MYO9B: variants seen among roughly 807,000 people sequenced by gnomAD.
The protein encoded by MYO9B is myosin IXB.
MYO9B carries 71 observed loss-of-function variants against 229.5 expected under a neutral mutation model. The observed-to-expected ratio is 0.31, with a 90% CI of 0.26 to 0.38. The LOEUF is 0.38. Among genes scored for constraint, MYO9B ranks in the 10% least tolerant of loss-of-function variants. The pLI, the probability that MYO9B is intolerant of heterozygous loss-of-function variation, is 1.00. For missense variants in MYO9B, 2,255 were observed against 2,920.5 expected, an observed-to-expected ratio of 0.77 and a Z score of 5.25; for synonymous variants, 1,185 against 1,235.8, an observed-to-expected ratio of 0.96 and a Z score of 0.86.
In MYO9B at chr19:17,162,977, G is replaced by T. The variant is rs1242092958; in HGVS notation, c.1537-11G>T. ...CCTGCGGGCAGTGACCATTTTCTCT[G>T]TCTCTCCCAGTGCCTGTCCATTGGG... On this transcript the variant is annotated splice_polypyrimidine_tract_variant and intron_variant, in intron 9 of 39. Coordinates refer to ENST00000682292, the MANE Select transcript of MYO9B (RefSeq NM_004145.4). 4.4e-6 allele frequency: 7 copies of T among 1,607,642 alleles called. No individual in the cohort carries two copies. The highest frequency in any genetic ancestry group is 2.7e-5 in the African/African-American group (2 of 74,818).
rs1289369685 is a variant in MYO9B at position 17,201,906 on chromosome 19, C to T, written c.4564-20C>T. The T allele has an allele frequency of 6.3e-7, 1 of 1,596,106 alleles. No individual in the cohort carries two copies. The highest frequency in any genetic ancestry group is 2.2e-5 in the East Asian group (1 of 44,704). On this transcript the variant is annotated intron_variant, in intron 26 of 39. Transcript: ENST00000682292. ...TCCCCAGGCCTGAGGCACGCAGGGT[C>T]AGTTCCTCTCCCCTTCCAGATAAAT...
intron 13 of MYO9B, among the ~76,000 whole-genome samples, chr19:17,174,205 T>C (rs1158908522): frequency 6.6e-6 from 1 of 151,992 alleles, no homozygotes; most frequent in Non-Finnish European, 1.5e-5. Flanking sequence ...AATTGTTTTG[T>C]ATTTTTTAGT....
chr19:17,176,963 G>T (rs2072797044), intron 14 of MYO9B, among the ~76,000 whole-genome samples: 1 of 152,188 alleles, frequency 6.6e-6, no homozygotes, highest in African/African-American at 2.4e-5. Flanking sequence ...CACTTTGGGA[G>T]ACCAAGGCGG....
intron 1 of MYO9B, among the ~76,000 whole-genome samples, chr19:17,077,649 G>A (rs1346483570): frequency 6.6e-6 from 1 of 152,096 alleles, no homozygotes; most frequent in Non-Finnish European, 1.5e-5. Flanking sequence ...CAAAATGAAT[G>A]AATTGACCTC....
Position 17,202,160 on chromosome 19 carries a change from C to T in MYO9B, c.4693C>T (p.Leu1565=). The change falls in exon 28 of 40, where the codon CTG becomes TTG. Residue 1565 remains leucine, a synonymous_variant. Coordinates refer to ENST00000682292, the MANE Select transcript of MYO9B (RefSeq NM_004145.4). ...NGKIHVGYKD[L]MENYQIVVSN... ...GAAGATCCACGTGGGCTACAAGGATCTGATGGAGAACTACCAGATCGTCGT... is the reference window on the plus strand; with the variant it reads ...GAAGATCCACGTGGGCTACAAGGATTTGATGGAGAACTACCAGATCGTCGT... 6.2e-7 allele frequency: 1 copy of T among 1,613,862 alleles called. No individual in the cohort carries two copies. The highest frequency in any genetic ancestry group is 8.5e-7 in the Non-Finnish European group (1 of 1,179,824).
intron 37 of MYO9B, 98 bp from the exon 38 acceptor site, chr19:17,210,617 C>G: frequency 1.4e-6 from 2 of 1,406,294 alleles, no homozygotes; most frequent in South Asian, 3.0e-5. Flanking sequence ...GCCCAGCACA[C>G]TCACATCACA....
chr19:17,152,285 G>A (rs2145267965), intron 3 of MYO9B, among the ~76,000 whole-genome samples: 1 of 152,244 alleles, frequency 6.6e-6, no homozygotes, highest in East Asian at 1.9e-4. Context: ...CAGGGATGGT[G>A]GCTCATGCCT....
chr19:17,187,882 G>A lies in MYO9B; in HGVS notation c.2578-53G>A. On this transcript the variant is annotated intron_variant, in intron 18 of 39. Transcript: ENST00000682292. ...CAGGCCTGAGCCAGCAACAGACTTGGGCATCCTGTCAGGTCAAGGCCACCT... is the reference window on the plus strand; with the variant it reads ...CAGGCCTGAGCCAGCAACAGACTTGAGCATCCTGTCAGGTCAAGGCCACCT... 3 of 1,465,950 alleles carry A rather than the reference G, an allele frequency of 2.0e-6. No homozygotes were observed. In the Admixed American group the frequency reaches 5.9e-5, roughly 29 times the overall value. The allele number at this position is 1,465,950 out of a possible 1,614,324, so 90.8% of individuals were successfully genotyped here. A position where few individuals can be genotyped will look rare whatever the true frequency, so the allele number is the denominator to read the frequency against.
rs747679895 is a variant in MYO9B, at chr19:17,200,866, C to T, written c.4563+37C>T. 23 of 1,599,616 alleles carry T rather than the reference C, an allele frequency of 1.4e-5. No individual in the cohort carries two copies. The East Asian group carries it at 1.6e-4, about 11-fold the overall frequency. On this transcript the variant is annotated intron_variant, in intron 26 of 39. Coordinates refer to ENST00000682292, the MANE Select transcript of MYO9B (RefSeq NM_004145.4). The stretch of plus-strand genomic sequence containing the variant: ...AGGCGAGGGCCAGGGGCATGAGGCC[C>T]GGTCCCCAGGGGAACCATCACAGCC...
At chr19:17,117,233 G>A (rs1201006986) in intron 2 of MYO9B, among the ~76,000 whole-genome samples, 1 of 152,164 alleles carries the variant, frequency 6.6e-6, no homozygotes, top group African/African-American at 2.4e-5. Context: ...CAGCCACAGG[G>A]CCTGGCTGCC....
chr19:17,081,515 A>G (rs956994258), intron 1 of MYO9B, among the ~76,000 whole-genome samples: 1 of 151,930 alleles, frequency 6.6e-6, no homozygotes, highest in Non-Finnish European at 1.5e-5. Context: ...GGGTGACTAA[A>G]GAGAGGTGAG....
chr19:17,182,308 A>C (rs1010736745), intron 15 of MYO9B, among the ~76,000 whole-genome samples: 2 of 151,870 alleles, frequency 1.3e-5, no homozygotes, highest in Non-Finnish European at 2.9e-5. Flanking sequence ...GGCTGGTCTC[A>C]AACTCCTGGG....
intron 7 of MYO9B, chr19:17,157,333 T>C (rs996618696): frequency 3.4e-6 from 1 of 292,104 alleles, no homozygotes; most frequent in Non-Finnish European, 6.6e-6. Context: ...GGTGGGCGGA[T>C]GACCTGAGGT....
intron 2 of MYO9B, among the ~76,000 whole-genome samples, chr19:17,104,048 T>A (rs979834497): frequency 1.1e-5 from 1 of 94,424 alleles, no homozygotes; most frequent in Non-Finnish European, 2.1e-5. Context: ...AGAGCGAAAC[T>A]CCATCTCAAA....
Position 17,207,104 on chromosome 19 carries a change from G to A in MYO9B, c.5493-9G>A. 1 of 1,610,494 alleles carries A rather than the reference G, an allele frequency of 6.2e-7. No homozygotes were observed. The highest frequency in any genetic ancestry group is 8.5e-7 in the Non-Finnish European group (1 of 1,179,172). ...CCTAGCCATCCTCTAACTGCCAGTGGCTGTGCAGGGTGGCCCTGCTCGAGG... is the reference window on the plus strand; with the variant it reads ...CCTAGCCATCCTCTAACTGCCAGTGACTGTGCAGGGTGGCCCTGCTCGAGG... On this transcript the variant is annotated splice_polypyrimidine_tract_variant and intron_variant, in intron 34 of 39. Coordinates refer to ENST00000682292, the MANE Select transcript of MYO9B (RefSeq NM_004145.4).
chr19:17,183,616 C>A, intron 15 of MYO9B: 1 of 554,788 alleles, frequency 1.8e-6, no homozygotes, highest in East Asian at 3.1e-5. Flanking sequence ...TGCCGCCAAC[C>A]CAGGGAAACT....
At position 17,199,317 on chromosome 19, in the gene MYO9B, T is replaced by A. The variant is rs559171351; in HGVS notation, c.4239-976T>A. 5.3e-5 allele frequency among the ~76,000 whole-genome samples: 8 copies of A among 151,820 alleles called. No homozygotes were observed. The East Asian group carries it at 1.6e-3, about 29-fold the overall frequency. Reference sequence around the variant, plus strand: ...AGGATCATGCTCGTGAGGCCAGGAGTTTGAGGCTGTAGCGAGCTATGATCA... The same window carrying A: ...AGGATCATGCTCGTGAGGCCAGGAGATTGAGGCTGTAGCGAGCTATGATCA... On this transcript the variant is annotated intron_variant, in intron 24 of 39. Transcript: ENST00000682292.
intron 31 of MYO9B, 35 bp downstream of exon 31, chr19:17,205,371 C>CA: frequency 6.3e-7 from 1 of 1,587,548 alleles, no homozygotes; most frequent in Non-Finnish European, 8.6e-7. Context: ...TCTACAATGA[C>CA]ACTCCACTCA....
chr19:17,137,847 C>G (rs1457734793), intron 2 of MYO9B, among the ~76,000 whole-genome samples: 1 of 151,852 alleles, frequency 6.6e-6, no homozygotes, highest in Non-Finnish European at 1.5e-5. Context: ...TGAAGCAATC[C>G]TCCCACCTCA....
Sources: allele counts gnomAD v4.1 joint callset (sites outside exome capture counted in the v4.1 genomes callset), GRCh38; gene constraint gnomAD v4.1.1; transcripts MANE v1.5; gene names NCBI Gene and HGNC (gene_info 2026-07-23, HGNC 2026-07-21).